CELSR1: variants seen among roughly 807,000 people sequenced by gnomAD.
CELSR1 encodes cadherin EGF LAG seven-pass G-type receptor 1.
CELSR1 carries 110 observed loss-of-function variants against 249.1 expected under a neutral mutation model. That is an observed-to-expected ratio of 0.44 (90% CI 0.38 to 0.52). CELSR1 has a LOEUF of 0.52. Ranked by LOEUF, CELSR1 falls within the 20% of genes least tolerant of loss-of-function variation. CELSR1 has a pLI of 0.00. For missense variants in CELSR1, 4,109 were observed against 4,296.4 expected, an observed-to-expected ratio of 0.96 and a Z score of 1.22; for synonymous variants, 2,113 against 1,900.0, an observed-to-expected ratio of 1.11 and a Z score of -2.92.
chr22:46,484,518 T>G lies in CELSR1; in HGVS notation c.3545-20173A>C, dbSNP rs1184560578. On this transcript the variant is annotated intron_variant, in intron 1 of 34. Coordinates refer to ENST00000674500, the MANE Select transcript of CELSR1 (RefSeq NM_001378328.1). This position sits in a 1 kb window ranked among gnomAD's most constrained non-coding sequence, Gnocchi z 4.5. ...TGCAAATACCAGGGAGAGGCTATAT[T>G]AAGCCACTGACCCCTGATAGGGTTA... Among the ~76,000 whole-genome samples the G allele has an allele frequency of 6.6e-6, 1 of 151,186 alleles. No homozygotes were observed. The highest frequency in any genetic ancestry group is 1.5e-5 in the Non-Finnish European group (1 of 67,898).
rs553286125 is a variant in CELSR1 at position 46,434,237 on chromosome 22, C to T, written c.4523-756G>A. Among the ~76,000 whole-genome samples, 2 of 152,372 alleles carry T rather than the reference C, an allele frequency of 1.3e-5. No homozygotes were observed. The highest frequency in any genetic ancestry group is 2.4e-5 in the African/African-American group (1 of 41,586). On this transcript the variant is annotated intron_variant, in intron 4 of 34. Coordinates refer to ENST00000674500, the MANE Select transcript of CELSR1 (RefSeq NM_001378328.1). This position sits in a 1 kb window ranked among gnomAD's most constrained non-coding sequence, Gnocchi z 4.9. ...CGGACGCGTCTCTTGTGCATCTCTG[C>T]TTTGGGGTGTCTGTCATTTCCACCC...
rs2079115203 is a variant in CELSR1, at chr22:46,393,470, G to A, written c.5964+672C>T. 6.6e-6 allele frequency among the ~76,000 whole-genome samples: 1 copy of A among 152,192 alleles called. No individual in the cohort carries two copies. Among genetic ancestry groups the A allele is most frequent in the Admixed American group, 6.5e-5 (1 of 15,276 alleles). On this transcript the variant is annotated intron_variant, in intron 14 of 34. Coordinates refer to ENST00000674500, the MANE Select transcript of CELSR1 (RefSeq NM_001378328.1). This position sits in a 1 kb window ranked among gnomAD's most constrained non-coding sequence, Gnocchi z 4.1. ...ACCAGGAAAATGGCCAGGCACGGTG[G>A]CTCACGCCTGTAATCCCAGCACTCT...
chr22:46,369,039 C>G, intron 27 of CELSR1, 140 bp downstream of exon 27: 2 of 743,488 alleles, frequency 2.7e-6, no homozygotes, highest in Non-Finnish European at 4.6e-6. Context: ...TCTCTGGAGC[C>G]CTGGGGCTCA....
At position 46,446,471 on chromosome 22, in the gene CELSR1, C is replaced by G. The variant is rs1291658118; in HGVS notation, c.4184-7060G>C. 3.9e-5 allele frequency among the ~76,000 whole-genome samples: 6 copies of G among 152,252 alleles called. No homozygotes were observed. Among genetic ancestry groups the G allele is most frequent in the African/African-American group, 1.2e-4 (5 of 41,468 alleles). On this transcript the variant is annotated intron_variant, in intron 2 of 34. Transcript: ENST00000674500. The surrounding 1 kb of genome is among the most constrained non-coding windows in gnomAD (Gnocchi z 5.5). The stretch of plus-strand genomic sequence containing the variant: ...TGCGATGGTTCCCCCGTGTGTTTCT[C>G]TCCCCAGCTCTGTGCAGGCAATGAC...
chr22:46,364,302 C>T lies in CELSR1; in HGVS notation c.8780-51G>A, dbSNP rs767046535. The stretch of plus-strand genomic sequence containing the variant: ...CAAGTCCGGGTGATGCTGCCGGGGG[C>T]AGCTGCTGGGCCGTGTGCAGCTGAG... On this transcript the variant is annotated intron_variant, in intron 33 of 34. Coordinates refer to ENST00000674500, the MANE Select transcript of CELSR1 (RefSeq NM_001378328.1). 3.1e-6 allele frequency: 5 copies of T among 1,589,972 alleles called. No individual in the cohort carries two copies. The East Asian group carries it at 1.1e-4, about 36-fold the overall frequency.
chr22:46,484,857 C>A lies in CELSR1; in HGVS notation c.3545-20512G>T, dbSNP rs2080299019. Among the ~76,000 whole-genome samples the A allele has an allele frequency of 6.6e-6, 1 of 150,764 alleles. No homozygotes were observed. The highest frequency in any genetic ancestry group is 2.4e-5 in the African/African-American group (1 of 41,038). ...CCAATTTAGTGAATGGCGAGCAAAT[C>A]ATTTTCTTTGGGGGAAAAGATCAAA... On this transcript the variant is annotated intron_variant, in intron 1 of 34. Coordinates refer to ENST00000674500, the MANE Select transcript of CELSR1 (RefSeq NM_001378328.1). The surrounding 1 kb of genome is among the most constrained non-coding windows in gnomAD (Gnocchi z 4.5).
chr22:46,458,327 A>T (rs2079980876), intron 2 of CELSR1, among the ~76,000 whole-genome samples: 1 of 152,154 alleles, frequency 6.6e-6, no homozygotes, highest in Admixed American at 6.5e-5. Flanking sequence ...CTGAACACTG[A>T]TGTGACAAAT....
rs1048209774 is a variant in CELSR1 at position 46,412,302 on chromosome 22, C to T, written c.4612-543G>A. Among the ~76,000 whole-genome samples, 23 of 152,176 alleles carry T rather than the reference C, an allele frequency of 1.5e-4. No individual in the cohort carries two copies. Among genetic ancestry groups the T allele is most frequent in the African/African-American group, 3.4e-4 (14 of 41,444 alleles). ...TGTCTGTTGTTTGAGCCACCCTGTC[C>T]GTGGTACTTTGTGATGGTGGCCCCA... On this transcript the variant is annotated intron_variant, in intron 5 of 34. Transcript: ENST00000674500. This position sits in a 1 kb window ranked among gnomAD's most constrained non-coding sequence, Gnocchi z 4.5.
rs372824124 is a variant in CELSR1, at chr22:46,370,676, T to C, written c.7760-872A>G. 1.7e-4 allele frequency among the ~76,000 whole-genome samples: 26 copies of C among 152,272 alleles called. No individual in the cohort carries two copies. The East Asian group carries it at 4.4e-3, about 26-fold the overall frequency. On this transcript the variant is annotated intron_variant, in intron 25 of 34. Transcript: ENST00000674500. ...CTCCCCACTCTCCTTATTTAAATAT[T>C]GAAGAGATCCCAGCTCCCTCCTGTT...
At chr22:46,469,050 T>TG (rs1339977281) in intron 1 of CELSR1, among the ~76,000 whole-genome samples, 2 of 152,142 alleles carry the variant, frequency 1.3e-5, no homozygotes, top group Admixed American at 6.6e-5. Flanking sequence ...CACTCCAGCC[T>TG]GGGGGACAGA....
chr22:46,474,547 C>T (rs2080187999), intron 1 of CELSR1, among the ~76,000 whole-genome samples: 2 of 152,102 alleles, frequency 1.3e-5, no homozygotes, highest in African/African-American at 4.8e-5. Context: ...TTAATATATC[C>T]ATTACTTGTA....
chr22:46,452,813 G>A (rs994376031), intron 2 of CELSR1, among the ~76,000 whole-genome samples: 1 of 152,240 alleles, frequency 6.6e-6, no homozygotes, highest in African/African-American at 2.4e-5. Flanking sequence ...CAGACTTCAC[G>A]CCGCCCTTGG....
chr22:46,513,671 T>G (rs1414101485), intron 1 of CELSR1, among the ~76,000 whole-genome samples: 1 of 152,178 alleles, frequency 6.6e-6, no homozygotes, highest in East Asian at 1.9e-4. Flanking sequence ...GCAACACTTC[T>G]GTTTACTCCG....
Position 46,365,618 on chromosome 22 carries a change from G to T in CELSR1, c.8372C>A (p.Ser2791Tyr). The T allele has an allele frequency of 6.3e-7, 1 of 1,594,376 alleles. No individual in the cohort carries two copies. Among genetic ancestry groups the T allele is most frequent in the Admixed American group, 1.7e-5 (1 of 57,386 alleles). ...ATCCTTGCAGCTCCTGGGCATGAGG[G>T]ACGCGTCTGGCTCTCCGTGGCTGCC... ...VRGSHGEPDASLMPRSCKDPP... is the reference protein window; with the variant it reads ...VRGSHGEPDAYLMPRSCKDPP... Residue 2791 changes from serine (S) to tyrosine (Y), a missense_variant, in exon 31 of 35, where the codon TCC becomes TAC. By Grantham distance (144) the Ser-to-Tyr change is moderately radical (BLOSUM62 -2). Coordinates refer to ENST00000674500, the MANE Select transcript of CELSR1 (RefSeq NM_001378328.1).
Position 46,365,650 on chromosome 22 carries a change from C to T in CELSR1, c.8340G>A (p.Leu2780=), listed in dbSNP as rs1292722621. Residue 2780 remains leucine, a synonymous_variant, in exon 31 of 35, where the codon CTG becomes CTA. Transcript: ENST00000674500. The part of the protein sequence containing the change: ...GIQKLGVSSG[L]VRGSHGEPDA... ...CTGGCTCTCCGTGGCTGCCCCTCAC[C>T]AGCCCAGAGGACACGCCGAGCTTCT... 2 of 1,588,802 alleles carry T rather than the reference C, an allele frequency of 1.3e-6. No individual in the cohort carries two copies. Among genetic ancestry groups the T allele is most frequent in the African/African-American group, 1.3e-5 (1 of 74,496 alleles).
chr22:46,525,932 G>A (rs2080734316), intron 1 of CELSR1, among the ~76,000 whole-genome samples: 1 of 152,358 alleles, frequency 6.6e-6, no homozygotes, highest in East Asian at 1.9e-4. Flanking sequence ...GGCCAGCACC[G>A]CCCCTCCTGC....
At chr22:46,420,859 G>A (rs1009836286) in intron 5 of CELSR1, among the ~76,000 whole-genome samples, 1 of 152,258 alleles carries the variant, frequency 6.6e-6, no homozygotes, top group South Asian at 2.1e-4. Flanking sequence ...AGGTGAAGGT[G>A]GGGAGAGGGC....
intron 1 of CELSR1, among the ~76,000 whole-genome samples, chr22:46,502,075 G>A (rs1326916236): frequency 6.6e-6 from 1 of 151,756 alleles, no homozygotes. Flanking sequence ...GACCAGTCCA[G>A]GCAATGTAGC....
rs550181549 is a variant in CELSR1, at chr22:46,428,150, G to C, written c.4611+5243C>G. Reference sequence around the variant, plus strand: ...CAACAGAAGCAGAGGCCGGTCCTCCGGTTTGTTGCAACCGGGCCTCATGCT... The same window carrying C: ...CAACAGAAGCAGAGGCCGGTCCTCCCGTTTGTTGCAACCGGGCCTCATGCT... On this transcript the variant is annotated intron_variant, in intron 5 of 34. Transcript: ENST00000674500. The surrounding 1 kb of genome is among the most constrained non-coding windows in gnomAD (Gnocchi z 5.7). 6.6e-6 allele frequency among the ~76,000 whole-genome samples: 1 copy of C among 152,192 alleles called. No individual in the cohort carries two copies. Among genetic ancestry groups the C allele is most frequent in the African/African-American group, 2.4e-5 (1 of 41,450 alleles).
Sources: gnomAD v4.1 joint callset for allele counts (sites outside exome capture counted in the v4.1 genomes callset) on GRCh38, gnomAD v4.1.1 for gene constraint, Gnocchi (gnomAD v3.1) non-coding constraint, MANE v1.5 for transcripts, NCBI Gene and HGNC (gene_info 2026-07-23, HGNC 2026-07-21) for gene names.